Variants in PIEZO2 observed in about 807,000 individuals in gnomAD.
The protein encoded by PIEZO2 is piezo type mechanosensitive ion channel component 2, also known as piezo-type mechanosensitive ion channel component 2.
A neutral mutation model predicts 337.3 loss-of-function variants in PIEZO2; 172 were observed. The observed-to-expected ratio is 0.51, with a 90% CI of 0.45 to 0.58. The LOEUF is 0.58. Ranked by LOEUF, PIEZO2 falls within the 20% of genes least tolerant of loss-of-function variation. The pLI is 0.00. For synonymous variants in PIEZO2, 1,251 were observed against 1,228.5 expected (o/e 1.02, Z -0.38); for missense variants, 3,028 against 3,391.3 (o/e 0.89, Z 2.66).
intron 3 of PIEZO2, among the ~76,000 whole-genome samples, chr18:10,935,313 C>T (rs1232190682): frequency 2.6e-5 from 4 of 152,080 alleles, no homozygotes; most frequent in Non-Finnish European, 4.4e-5. Context: ...CAGTAATGAA[C>T]AAAGAGGAAG....
At chr18:10,876,385 G>A (rs1469022407) in intron 4 of PIEZO2, among the ~76,000 whole-genome samples, 1 of 152,234 alleles carries the variant, frequency 6.6e-6, no homozygotes, top group African/African-American at 2.4e-5. Flanking sequence ...CAGAGCTAGT[G>A]TGCAAGGAGC....
At position 10,671,438 on chromosome 18, in the gene PIEZO2, G is replaced by A. The variant is rs576946483; in HGVS notation, c.*89C>T. The A allele has an allele frequency of 3.6e-5, 49 of 1,352,578 alleles. No individual in the cohort carries two copies. In the African/African-American group the frequency reaches 5.1e-4, roughly 14 times the overall value. The allele number at this position is 1,352,578 out of a possible 1,614,324, so 83.8% of individuals were successfully genotyped here. On this transcript the variant is annotated 3_prime_UTR_variant, in exon 56 of 56. Transcript: ENST00000674853. The stretch of plus-strand genomic sequence containing the variant: ...AGAAGAGAAACAAACCATTTCCGTC[G>A]AACTAGAAATGCTTAGCTCTTATGA...
At chr18:11,098,136 G>C (rs1568371328) in intron 1 of PIEZO2, among the ~76,000 whole-genome samples, 1 of 151,886 alleles carries the variant, frequency 6.6e-6, no homozygotes, top group Non-Finnish European at 1.5e-5. Context: ...AAGATAATGT[G>C]GAATAGTTAA....
At position 10,855,273 on chromosome 18, in the gene PIEZO2, TA is replaced by T; in HGVS notation, c.917+79del. ...TGCCTGCCATCAAGAATAACCCCTG[TA>T]AATTCACAATGCCAAACCAAGGTCC... On this transcript the variant is annotated intron_variant, in intron 7 of 55. Coordinates refer to ENST00000674853, the MANE Select transcript of PIEZO2 (RefSeq NM_001378183.1). This position sits in a 1 kb window ranked among gnomAD's most constrained non-coding sequence, Gnocchi z 4.9. 7.8e-7 allele frequency: 1 copy of T among 1,279,660 alleles called. No homozygotes were observed. The allele number at this position is 1,279,660 out of a possible 1,614,324, so 79.3% of individuals were successfully genotyped here.
chr18:10,748,569 T>G lies in PIEZO2; in HGVS notation c.4326A>C (p.Ile1442=), dbSNP rs1377503328. 9 of 1,535,100 alleles carry G rather than the reference T, an allele frequency of 5.9e-6. No individual in the cohort carries two copies. The highest frequency in any genetic ancestry group is 5.5e-5 in the African/African-American group (4 of 72,914). The change falls in exon 30 of 56, where the codon ATA becomes ATC. Residue 1442 remains isoleucine, a synonymous_variant. Coordinates refer to ENST00000674853, the MANE Select transcript of PIEZO2 (RefSeq NM_001378183.1). This position sits in a 1 kb window ranked among gnomAD's most constrained non-coding sequence, Gnocchi z 5.1. ...SGEAGIIWDS[I]CFAFLLLQRR... is the part of the protein sequence containing the mutation. ...TTTGCAGCAGGAGGAAGGCAAAACA[T>G]ATGCTGTCCCAAATGATTCCTGCTT... is the stretch of plus-strand genomic sequence containing the variant.
intron 3 of PIEZO2, among the ~76,000 whole-genome samples, chr18:10,975,418 G>A (rs543971222): frequency 2.6e-5 from 4 of 152,138 alleles, no homozygotes; most frequent in Admixed American, 2.0e-4. Flanking sequence ...ATTTACATAG[G>A]TGTCCCCTGC....
intron 1 of PIEZO2, among the ~76,000 whole-genome samples, chr18:11,095,683 G>A (rs1416553958): frequency 1.3e-5 from 2 of 152,148 alleles, no homozygotes; most frequent in African/African-American, 4.8e-5. Context: ...ATCCTGTTTT[G>A]TGGTTTATAA....
intron 2 of PIEZO2, among the ~76,000 whole-genome samples, chr18:11,015,560 A>C (rs11873380): frequency 0.011 from 1,746 of 152,330 alleles, 34 homozygotes; most frequent in African/African-American, 0.04. Context: ...AAATTTTAGA[A>C]TATATCAATA....
intron 7 of PIEZO2, among the ~76,000 whole-genome samples, chr18:10,814,180 A>G (rs868461344): frequency 1.6e-4 from 24 of 152,046 alleles, no homozygotes; most frequent in Admixed American, 3.9e-4. Flanking sequence ...TGTGTTAGCC[A>G]GGATGGTCTT....
chr18:10,814,198 T>C (rs2040290555), intron 7 of PIEZO2, among the ~76,000 whole-genome samples: 1 of 152,112 alleles, frequency 6.6e-6, no homozygotes, highest in Non-Finnish European at 1.5e-5. Flanking sequence ...CTTGATCTCC[T>C]GACCTCATGA....
At chr18:10,805,699 C>T (rs2039980790) in intron 8 of PIEZO2, among the ~76,000 whole-genome samples, 1 of 152,162 alleles carries the variant, frequency 6.6e-6, no homozygotes, top group East Asian at 1.9e-4. Flanking sequence ...CCTTACCACC[C>T]ATAAATCATT....
intron 10 of PIEZO2, among the ~76,000 whole-genome samples, 152 bp downstream of exon 10, chr18:10,801,238 C>T (rs2039802327): frequency 6.6e-6 from 1 of 152,188 alleles, no homozygotes; most frequent in South Asian, 2.1e-4. Context: ...TTTCATTTAA[C>T]AGCAATCTAC....
intron 49 of PIEZO2, among the ~76,000 whole-genome samples, chr18:10,684,111 T>C (rs548463202): frequency 0.037 from 417 of 11,320 alleles, 1 homozygote; most frequent in African/African-American, 0.051. Flanking sequence ...TCTCTCTCTT[T>C]CTTTCTTTCT....
intron 7 of PIEZO2, among the ~76,000 whole-genome samples, chr18:10,826,944 A>G (rs996694538): frequency 1.3e-5 from 2 of 152,180 alleles, no homozygotes; most frequent in African/African-American, 2.4e-5. Flanking sequence ...TCATACAAAT[A>G]GAATTATTCA....
At chr18:10,908,371 G>C (rs2030149548) in intron 4 of PIEZO2, 1 of 152,176 alleles carries the variant, frequency 6.6e-6, no homozygotes, top group Non-Finnish European at 1.5e-5. Context: ...TGGCAACCAG[G>C]TTGATGGATG....
In PIEZO2 at chr18:10,830,560, T is replaced by A. The variant is rs2040815814; in HGVS notation, c.918-23286A>T. ...GGATTAAAGACTTAAATCTAAGACC[T>A]CAAGCTATAAAACTACTAAAAGAAA... On this transcript the variant is annotated intron_variant, in intron 7 of 55. Transcript: ENST00000674853. This position sits in a 1 kb window ranked among gnomAD's most constrained non-coding sequence, Gnocchi z 4.7. Among the ~76,000 whole-genome samples, 1 of 151,866 alleles carries A rather than the reference T, an allele frequency of 6.6e-6. No individual in the cohort carries two copies. The highest frequency in any genetic ancestry group is 1.5e-5 in the Non-Finnish European group (1 of 68,000).
chr18:11,137,696 G>T (rs546215761), intron 1 of PIEZO2, among the ~76,000 whole-genome samples: 61 of 152,276 alleles, frequency 4.0e-4, no homozygotes, highest in African/African-American at 1.4e-3. Flanking sequence ...GATGGCAGGA[G>T]CAGGGACGGC....
Position 11,146,639 on chromosome 18 carries a change from G to A in PIEZO2, c.64+1886C>T, listed in dbSNP as rs1161216198. Among the ~76,000 whole-genome samples the A allele has an allele frequency of 1.3e-5, 2 of 152,240 alleles. No individual in the cohort carries two copies. The highest frequency in any genetic ancestry group is 2.9e-5 in the Non-Finnish European group (2 of 68,044). On this transcript the variant is annotated intron_variant, in intron 1 of 55. Transcript: ENST00000674853. The surrounding 1 kb of genome is among the most constrained non-coding windows in gnomAD (Gnocchi z 6.1). ...CCAGCATCCGCGGGGCTTGGAGGCA[G>A]GTGAGCTGAGTCCAGGGAGCCCAAC...
Position 11,047,346 on chromosome 18 carries a change from G to T in PIEZO2, c.160+18781C>A, listed in dbSNP as rs1451245673. On this transcript the variant is annotated intron_variant, in intron 2 of 55. Transcript: ENST00000674853. This position sits in a 1 kb window ranked among gnomAD's most constrained non-coding sequence, Gnocchi z 7.2. ...AATAGCAGTGGGATGGGGGTGGGGAGCAAGGTTGGAATGGAGTAGGAGCGA... is the reference window on the plus strand; with the variant it reads ...AATAGCAGTGGGATGGGGGTGGGGATCAAGGTTGGAATGGAGTAGGAGCGA... Among the ~76,000 whole-genome samples, 1 of 152,218 alleles carries T rather than the reference G, an allele frequency of 6.6e-6. No homozygotes were observed. Among genetic ancestry groups the T allele is most frequent in the African/African-American group, 2.4e-5 (1 of 41,466 alleles).
Sources: gnomAD v4.1 joint callset for allele counts (sites outside exome capture counted in the v4.1 genomes callset) on GRCh38, gnomAD v4.1.1 for gene constraint, Gnocchi (gnomAD v3.1) non-coding constraint, MANE v1.5 for transcripts, NCBI Gene and HGNC (gene_info 2026-07-23, HGNC 2026-07-21) for gene names.